ABR: variants seen among roughly 807,000 people sequenced by gnomAD.
ABR encodes the protein ABR activator of RhoGEF and GTPase.
A neutral mutation model predicts 107.2 loss-of-function variants in ABR; 35 were observed. The ratio of observed to expected loss-of-function variants is 0.33; its 90% CI spans 0.25 to 0.43. The LOEUF is 0.43. ABR is among the 20% of genes least tolerant of loss of function. The pLI, the probability that ABR is intolerant of heterozygous loss-of-function variation, is 1.00. For synonymous variants in ABR, 498 were observed against 462.0 expected, an observed-to-expected ratio of 1.08 and a Z score of -1.00; for missense variants, 815 against 1,115.2, an observed-to-expected ratio of 0.73 and a Z score of 3.83.
chr17:1,160,280 A>C (rs1005816607), intron 1 of ABR, among the ~76,000 whole-genome samples: 2 of 88,070 alleles, frequency 2.3e-5, no homozygotes, highest in Non-Finnish European at 4.8e-5. Context: ...AACAAAAAAA[A>C]ACCACACACA....
In ABR at chr17:1,007,225, C is replaced by T; in HGVS notation, c.2430G>A (p.Val810=). The change falls in exon 22 of 23, where the codon GTG becomes GTA. Residue 810 remains valine, a synonymous_variant. Transcript: ENST00000302538. Reference sequence around the variant, plus strand: ...CCGAGGTGAGGTGTGCTTTGCTCTCCACTTCTGAGGGTCTCAGTAACGTGG... The same window carrying T: ...CCGAGGTGAGGTGTGCTTTGCTCTCTACTTCTGAGGGTCTCAGTAACGTGG... ...FGPTLLRPSE[V]ESKAHLTSAA... 1 of 1,614,124 alleles carries T rather than the reference C, an allele frequency of 6.2e-7. No homozygotes were observed.
chr17:1,108,914 A>G, intron 2 of ABR: 1 of 1,568,058 alleles, frequency 6.4e-7, no homozygotes. Context: ...CCCAGCGCCC[A>G]GGGCGTGTCA....
At chr17:1,172,425 C>T (rs2041749813) in intron 1 of ABR, among the ~76,000 whole-genome samples, 1 of 152,190 alleles carries the variant, frequency 6.6e-6, no homozygotes, top group South Asian at 2.1e-4. Flanking sequence ...GCGTCATGTC[C>T]CCAACTGACC....
At chr17:1,033,948 C>T (rs2072988606) in intron 16 of ABR, among the ~76,000 whole-genome samples, 1 of 151,382 alleles carries the variant, frequency 6.6e-6, no homozygotes, top group Non-Finnish European at 1.5e-5. Context: ...TCAGGCCCCA[C>T]TGCTTGGTCC....
intron 2 of ABR, among the ~76,000 whole-genome samples, chr17:1,110,433 T>C (rs2038605538): frequency 6.6e-6 from 1 of 152,182 alleles, no homozygotes; most frequent in African/African-American, 2.4e-5. Context: ...CTCCAGCCGA[T>C]GGCTGCTGGA....
At chr17:1,058,136 C>CTTTTTTTT (rs71148422) in intron 11 of ABR, 91 bp from the exon 12 acceptor site, 5 of 318,876 alleles carry the variant, frequency 1.6e-5, no homozygotes, top group Non-Finnish European at 2.8e-5. Context: ...CTCCTTTTAT[C>CTTTTTTTT]TTTTTTTTTT....
At chr17:1,018,162 C>T (rs758749585) in intron 16 of ABR, among the ~76,000 whole-genome samples, 1 of 152,140 alleles carries the variant, frequency 6.6e-6, no homozygotes, top group Non-Finnish European at 1.5e-5. Flanking sequence ...CCTGCCTCAG[C>T]CTCCTGAGTA....
chr17:1,081,107 C>T (rs2036207108), intron 5 of ABR, among the ~76,000 whole-genome samples: 2 of 152,300 alleles, frequency 1.3e-5, no homozygotes, highest in Admixed American at 1.3e-4. Context: ...AGACCCCACA[C>T]TCTCTGCACC....
At chr17:1,012,580 A>T (rs901662523) in intron 18 of ABR, 108 bp downstream of exon 18, 4 of 807,496 alleles carry the variant, frequency 5.0e-6, no homozygotes, top group Non-Finnish European at 8.4e-6. Flanking sequence ...AGCGGGGGGT[A>T]ACTGATTAGG....
intron 1 of ABR, among the ~76,000 whole-genome samples, chr17:1,167,473 A>G (rs1469360831): frequency 1.3e-5 from 2 of 152,144 alleles, no homozygotes; most frequent in East Asian, 3.9e-4. Flanking sequence ...GAGAACCACC[A>G]TGGTGAAAGG....
Position 1,006,055 on chromosome 17 carries a change from C to A in ABR, c.*25G>T, listed in dbSNP as rs1404640382. On this transcript the variant is annotated 3_prime_UTR_variant, in exon 23 of 23. Transcript: ENST00000302538. ...AGGCTGGAGGGGCTGGTTCCACCAC[C>A]CGCCCGCAGCCACCCTGCCTCGGGC... 1 of 1,544,716 alleles carries A rather than the reference C, an allele frequency of 6.5e-7. No individual in the cohort carries two copies. Among genetic ancestry groups the A allele is most frequent in the Non-Finnish European group, 8.8e-7 (1 of 1,140,348 alleles).
At chr17:1,079,104 G>A (rs968253183) in intron 6 of ABR, 68 of 1,436,752 alleles carry the variant, frequency 4.7e-5, no homozygotes, top group South Asian at 4.0e-4. Context: ...GCATCCTAAA[G>A]AGGAGCACGT....
chr17:1,162,186 C>T (rs118055239), intron 1 of ABR, among the ~76,000 whole-genome samples: 4,365 of 152,332 alleles, frequency 0.029, 90 homozygotes, highest in Non-Finnish European at 0.045. Flanking sequence ...TTATCAACAG[C>T]AACAATTATC....
intron 16 of ABR, among the ~76,000 whole-genome samples, chr17:1,028,782 C>T (rs2072454678): frequency 6.6e-6 from 1 of 152,200 alleles, no homozygotes; most frequent in African/African-American, 2.4e-5. Context: ...GAGTCCCCAC[C>T]GCCGGCCAGC....
intron 16 of ABR, among the ~76,000 whole-genome samples, chr17:1,018,257 T>G (rs113643406): frequency 6.6e-6 from 1 of 151,458 alleles, no homozygotes; most frequent in South Asian, 2.1e-4. Flanking sequence ...TTAGCCAGGA[T>G]GGTCTTGATC....
rs2039728809 is a variant in ABR, at chr17:1,129,375, C to CTAAAAATAT, written c.62-4009_62-4008insATATTTTTA. Among the ~76,000 whole-genome samples, 10 of 53,868 alleles carry CTAAAAATAT rather than the reference C, an allele frequency of 1.9e-4. 1 individual carries two copies. The South Asian group carries it at 6.1e-3, about 33-fold the overall frequency. The allele number at this position is 53,868 out of a possible 152,430, so 35.3% of individuals were successfully genotyped here. The stretch of plus-strand genomic sequence containing the variant: ...CAATATGGTGAAGCCATACTGGCTA[C>CTAAAAATAT]AAAAAAATTAGCCAGGCGTGGTGGT... On this transcript the variant is annotated intron_variant, in intron 1 of 22. Transcript: ENST00000302538.
intron 1 of ABR, among the ~76,000 whole-genome samples, chr17:1,227,652 C>T (rs2043246888): frequency 6.6e-6 from 1 of 151,758 alleles, no homozygotes; most frequent in Non-Finnish European, 1.5e-5. Context: ...ATTTTTTTTC[C>T]TCCTTCACTG....
Position 1,010,582 on chromosome 17 carries a change from C to T in ABR, c.2236+147G>A, listed in dbSNP as rs546917204. 7 of 1,107,962 alleles carry T rather than the reference C, an allele frequency of 6.3e-6. No individual in the cohort carries two copies. The highest frequency in any genetic ancestry group is 2.5e-5 in the Admixed American group (1 of 39,550). The allele number at this position is 1,107,962 out of a possible 1,614,324, so 68.6% of individuals were successfully genotyped here. ...GTCCCAGCAGGCCACACCTCACCCT[C>T]GGACCCCTCAGCCACAGGCCCCAGT... is the stretch of plus-strand genomic sequence containing the variant. On this transcript the variant is annotated intron_variant, in intron 20 of 22. Transcript: ENST00000302538. This position sits in a 1 kb window ranked among gnomAD's most constrained non-coding sequence, Gnocchi z 4.1.
At chr17:1,008,823 G>A (rs773166136) in intron 21 of ABR, among the ~76,000 whole-genome samples, 2 of 152,184 alleles carry the variant, frequency 1.3e-5, no homozygotes, top group Non-Finnish European at 2.9e-5. Context: ...ACCTCCCCAC[G>A]CAAGCCTGAG....
Sources: allele counts gnomAD v4.1 joint callset (sites outside exome capture counted in the v4.1 genomes callset), GRCh38; gene constraint gnomAD v4.1.1; non-coding constraint Gnocchi (gnomAD v3.1); transcripts MANE v1.5; gene names NCBI Gene and HGNC (gene_info 2026-07-23, HGNC 2026-07-21).